Variants in GLE1 observed in about 807,000 individuals in gnomAD.
The protein encoded by GLE1 is GLE1 RNA export mediator, also known as mRNA export factor GLE1.
A neutral mutation model predicts 97.3 loss-of-function variants in GLE1; 78 were observed. The observed-to-expected ratio is 0.80, with a 90% CI of 0.67 to 0.97. GLE1 has a LOEUF of 0.97. Ranked by LOEUF, GLE1 falls within the 50% of genes least tolerant of loss-of-function variation. GLE1 has a pLI of 0.00. For missense variants in GLE1, 753 were observed against 857.5 expected (o/e 0.88, Z 1.52); for synonymous variants, 302 against 313.4 (o/e 0.96, Z 0.39).
chr9:128,533,198 C>T (rs892580945), intron 9 of GLE1, among the ~76,000 whole-genome samples: 7 of 151,150 alleles, frequency 4.6e-5, no homozygotes, highest in Non-Finnish European at 8.8e-5. Flanking sequence ...CCAAAGCGGG[C>T]GGATCACTTG....
intron 9 of GLE1, among the ~76,000 whole-genome samples, chr9:128,531,377 A>G (rs759198978): frequency 1.3e-5 from 2 of 151,232 alleles, no homozygotes; most frequent in Non-Finnish European, 2.9e-5. Flanking sequence ...AAATACAAAT[A>G]TTAGCCAGAT....
chr9:128,515,745 CTACTGTTTAGTTTTGGGGGTAGTG>C, intron 3 of GLE1, 106 bp downstream of exon 3: 1 of 717,462 alleles, frequency 1.4e-6, no homozygotes, highest in Non-Finnish European at 2.5e-6. Flanking sequence ...TCCTTCCCAC[CTACTGTTTAGTTTTGGGGGTAGTG>C]TAATAGAGGT....
intron 2 of GLE1, among the ~76,000 whole-genome samples, chr9:128,511,366 C>T (rs930217283): frequency 5.3e-5 from 8 of 150,524 alleles, no homozygotes; most frequent in South Asian, 2.1e-4. Context: ...AGCAACTGAA[C>T]GTCTTAAGGA....
intron 3 of GLE1, among the ~76,000 whole-genome samples, chr9:128,517,985 T>A (rs1179031018): frequency 6.6e-6 from 1 of 152,136 alleles, no homozygotes; most frequent in Non-Finnish European, 1.5e-5. Flanking sequence ...TAAAGATCCT[T>A]ATTGCTAGTA....
chr9:128,538,325 C>A (rs1430038088), intron 13 of GLE1, among the ~76,000 whole-genome samples: 1 of 152,130 alleles, frequency 6.6e-6, no homozygotes, highest in Non-Finnish European at 1.5e-5. Flanking sequence ...GAAAATTGTA[C>A]ATTCTAGCAA....
chr9:128,525,073 C>T lies in GLE1; in HGVS notation c.898-119C>T, dbSNP rs10988014. ...GAGAACAGGGAAAGAAGTATCAATT[C>T]GTTGAATGTGGATACTCCATTGGTG... On this transcript the variant is annotated intron_variant, in intron 6 of 15. Coordinates refer to ENST00000309971, the MANE Select transcript of GLE1 (RefSeq NM_001003722.2). 534,603 of 748,312 alleles carry T rather than the reference C, an allele frequency of 0.71. 197,556 individuals are homozygous for T. Among genetic ancestry groups the T allele is most frequent in the Non-Finnish European group, 0.78 (325,750 of 415,602 alleles). 46.4% of individuals were successfully genotyped at this position (748,312 alleles called of 1,614,324 possible).
chr9:128,541,411 T>TA lies in GLE1; in HGVS notation c.*241_*242insA. ...TGATAAAATAAATGGAGTTGGCCTT[T>TA]CTTGTTTTTTGCAAAAGTGATAAAA... is the stretch of plus-strand genomic sequence containing the variant. On this transcript the variant is annotated 3_prime_UTR_variant, in exon 16 of 16. Transcript: ENST00000309971. The TA allele has an allele frequency of 3.7e-6, 2 of 542,662 alleles. No homozygotes were observed. The highest frequency in any genetic ancestry group is 6.6e-6 in the Non-Finnish European group (2 of 302,308). 33.6% of individuals were successfully genotyped at this position (542,662 alleles called of 1,614,324 possible).
chr9:128,530,404 G>C (rs1185358075), intron 9 of GLE1, among the ~76,000 whole-genome samples: 1 of 152,112 alleles, frequency 6.6e-6, no homozygotes, highest in Non-Finnish European at 1.5e-5. Flanking sequence ...TCATCTTTAT[G>C]ACTGCTGCCT....
At chr9:128,525,467 A>G in intron 7 of GLE1, 44 bp downstream of exon 7, 1 of 1,176,292 alleles carries the variant, frequency 8.5e-7, no homozygotes, top group Non-Finnish European at 1.2e-6. Flanking sequence ...GTAAGTTTCA[A>G]ATGTGAAGAG....
intron 2 of GLE1, among the ~76,000 whole-genome samples, chr9:128,514,851 C>G (rs1846934239): frequency 6.6e-6 from 1 of 151,460 alleles, no homozygotes; most frequent in African/African-American, 2.4e-5. Context: ...GAGTCTTGCT[C>G]TGTCGCCCAG....
At chr9:128,522,960 A>G in intron 4 of GLE1, 144 bp downstream of exon 4, 1 of 1,009,194 alleles carries the variant, frequency 9.9e-7, no homozygotes, top group South Asian at 1.4e-5. Flanking sequence ...TATAACCTGG[A>G]AAAAAGACCA....
chr9:128,526,870 A>G (rs1043619995), intron 7 of GLE1, among the ~76,000 whole-genome samples: 3 of 152,028 alleles, frequency 2.0e-5, no homozygotes, highest in African/African-American at 7.2e-5. Flanking sequence ...GGATTTCACC[A>G]TGTTGTGCAA....
chr9:128,538,187 C>T, intron 13 of GLE1, 97 bp downstream of exon 13: 1 of 737,936 alleles, frequency 1.4e-6, no homozygotes, highest in African/African-American at 1.7e-5. Flanking sequence ...GCATTTGGGC[C>T]TGATAGTAAA....
intron 9 of GLE1, among the ~76,000 whole-genome samples, chr9:128,531,954 C>T (rs117944750): frequency 0.024 from 3,614 of 151,330 alleles, 72 homozygotes; most frequent in South Asian, 0.083. Flanking sequence ...TGGAAGCTAA[C>T]TAACTTTCCT....
chr9:128,512,718 A>G (rs1846861291), intron 2 of GLE1, among the ~76,000 whole-genome samples: 2 of 151,178 alleles, frequency 1.3e-5, no homozygotes, highest in African/African-American at 4.9e-5. Context: ...CCCAGGCTGG[A>G]GTGCAATGGC....
In GLE1 at chr9:128,541,253, A is replaced by G. The variant is rs1847876973; in HGVS notation, c.*83A>G. 3 of 849,762 alleles carry G rather than the reference A, an allele frequency of 3.5e-6. No homozygotes were observed. In the Admixed American group the frequency reaches 5.2e-5, roughly 15 times the overall value. The allele number at this position is 849,762 out of a possible 1,614,324, so 52.6% of individuals were successfully genotyped here. On this transcript the variant is annotated 3_prime_UTR_variant, in exon 16 of 16. Coordinates refer to ENST00000309971, the MANE Select transcript of GLE1 (RefSeq NM_001003722.2). ...AAGACAGCTGTATTTGGGAGAAGTCATGTCAGATTCAGAAATTTGCCATTA... is the reference window on the plus strand; with the variant it reads ...AAGACAGCTGTATTTGGGAGAAGTCGTGTCAGATTCAGAAATTTGCCATTA...
chr9:128,511,441 C>T (rs1846818495), intron 2 of GLE1, among the ~76,000 whole-genome samples: 1 of 151,616 alleles, frequency 6.6e-6, no homozygotes, highest in Non-Finnish European at 1.5e-5. Flanking sequence ...GGTGCAGTGG[C>T]TCACGCCTGT....
chr9:128,506,392 A>G (rs1045019911), intron 1 of GLE1, among the ~76,000 whole-genome samples: 1 of 152,204 alleles, frequency 6.6e-6, no homozygotes, highest in Non-Finnish European at 1.5e-5. Flanking sequence ...TTATGTATTC[A>G]TAAGAATTAA....
chr9:128,510,514 A>ACTGTG (rs1846780603), intron 2 of GLE1, among the ~76,000 whole-genome samples: 1 of 126,144 alleles, frequency 7.9e-6, no homozygotes. Flanking sequence ...GGTGTGAACC[A>ACTGTG]CCACACCCAG....
Sources: allele counts gnomAD v4.1 joint callset (sites outside exome capture counted in the v4.1 genomes callset), GRCh38; gene constraint gnomAD v4.1.1; transcripts MANE v1.5; gene names NCBI Gene and HGNC (gene_info 2026-07-23, HGNC 2026-07-21).